The following SLFN12L variants were observed in gnomAD, a reference collection of about 807,000 sequenced individuals.
SLFN12L encodes the protein schlafen family member 12-like.
Under a neutral mutation model 34.8 loss-of-function variants are expected in SLFN12L, and 34 were observed. The observed-to-expected ratio is 0.98, with a 90% CI of 0.74 to 1.30. The LOEUF (loss-of-function observed/expected upper bound fraction) is 1.30. Among genes scored for constraint, SLFN12L ranks in the 50% most tolerant of loss-of-function variants. SLFN12L has a pLI of 0.00. For synonymous variants in SLFN12L, 259 were observed against 247.5 expected (o/e 1.05, Z -0.44); for missense variants, 703 against 696.2 (o/e 1.01, Z -0.11).
chr17:35,480,374 A>T (rs1323099692), intron 2 of SLFN12L, 179 bp from the exon 3 acceptor site: 1 of 474,752 alleles, frequency 2.1e-6, no homozygotes, highest in Non-Finnish European at 3.6e-6. Flanking sequence ...TTATACTCCT[A>T]CTGAATTTTC....
chr17:35,491,025 AC>A (rs1289295559), intron 2 of SLFN12L: 2 of 788,398 alleles, frequency 2.5e-6, no homozygotes, highest in Non-Finnish European at 4.7e-6. Flanking sequence ...TCCCCAGCCA[AC>A]CTCTTACAGC....
chr17:35,510,761 C>A (rs1915612279), intron 2 of SLFN12L, among the ~76,000 whole-genome samples: 1 of 150,008 alleles, frequency 6.7e-6, no homozygotes, highest in Non-Finnish European at 1.5e-5. Context: ...AAAAGGAAAA[C>A]AGTAACCAAA....
Position 35,472,812 on chromosome 17 carries a change from C to T in SLFN12L, c.*2111G>A, listed in dbSNP as rs141080966. On this transcript the variant is annotated 3_prime_UTR_variant, in exon 5 of 5. Transcript: ENST00000628453. ...GGAATGTTTTTCCATTTGTTTGTGT[C>T]TTCTCTTGTTTCCTTGAGCAGTGGT... 2.0e-5 allele frequency among the ~76,000 whole-genome samples: 3 copies of T among 152,114 alleles called. No homozygotes were observed. Among genetic ancestry groups the T allele is most frequent in the African/African-American group, 7.2e-5 (3 of 41,408 alleles).
rs11658693 is a variant in SLFN12L, at chr17:35,473,230, A to C, written c.*1693T>G. 6.6e-6 allele frequency among the ~76,000 whole-genome samples: 1 copy of C among 152,010 alleles called. No homozygotes were observed. Among genetic ancestry groups the C allele is most frequent in the Non-Finnish European group, 1.5e-5 (1 of 67,986 alleles). ...GAGAGGGCATTCTTGTCTTGTGCCA[A>C]TTTTCAAAGGGAATGCTTCCAGGTT... On this transcript the variant is annotated 3_prime_UTR_variant, in exon 5 of 5. Transcript: ENST00000628453.
chr17:35,507,118 T>C (rs1179258895), intron 2 of SLFN12L, among the ~76,000 whole-genome samples: 2 of 152,194 alleles, frequency 1.3e-5, no homozygotes, highest in Non-Finnish European at 2.9e-5. Flanking sequence ...ACCCGGCCAG[T>C]GGGCAGGTAG....
chr17:35,480,526 CTA>C (rs879422138), intron 2 of SLFN12L: 3 of 202,334 alleles, frequency 1.5e-5, no homozygotes, highest in East Asian at 1.2e-4. Context: ...TGGAGGGATT[CTA>C]TGTTTTTATT....
intron 1 of SLFN12L, among the ~76,000 whole-genome samples, chr17:35,530,517 GAAAAGAAAAGAAAAGAAAAGA>G (rs2072398259): frequency 1.6e-5 from 1 of 61,760 alleles, no homozygotes; most frequent in African/African-American, 8.4e-5. Flanking sequence ...AGAAAGAAAA[GAAAAGAAAAGAAAAGAAAAGA>G]AAAGAAAGAA....
At position 35,469,327 on chromosome 17, in the gene SLFN12L, A is replaced by AT. The variant is rs1005906804; in HGVS notation, c.*5595_*5596insA. 5.9e-5 allele frequency among the ~76,000 whole-genome samples: 6 copies of AT among 100,848 alleles called. No homozygotes were observed. The highest frequency in any genetic ancestry group is 1.9e-4 in the African/African-American group (5 of 25,924). 66.2% of individuals were successfully genotyped at this position (100,848 alleles called of 152,430 possible). On this transcript the variant is annotated 3_prime_UTR_variant, in exon 5 of 5. Transcript: ENST00000628453. The stretch of plus-strand genomic sequence containing the variant: ...AAAATATATATATATTATATATATA[A>AT]ATATATATATAATATATATATATAT...
intron 2 of SLFN12L, among the ~76,000 whole-genome samples, chr17:35,488,102 G>T (rs111276386): frequency 6.6e-6 from 1 of 152,176 alleles, no homozygotes; most frequent in South Asian, 2.1e-4. Context: ...CCAGCTACTC[G>T]GGAGGCTGAG....
rs954260689 is a variant in SLFN12L, at chr17:35,478,710, A to G, written c.1165+407T>C. 2.0e-5 allele frequency among the ~76,000 whole-genome samples: 3 copies of G among 152,346 alleles called. No individual in the cohort carries two copies. The East Asian group carries it at 5.8e-4, about 29-fold the overall frequency. On this transcript the variant is annotated intron_variant, in intron 3 of 4. Transcript: ENST00000628453. The stretch of plus-strand genomic sequence containing the variant: ...TGTGAGAGGAAGAGGGGAAGTCTTT[A>G]CAGGAAATAAATGGAAAGTGGGTAA...
At chr17:35,478,232 T>C (rs774414782) in intron 3 of SLFN12L, 47 bp from the exon 4 acceptor site, 3 of 1,273,708 alleles carry the variant, frequency 2.4e-6, no homozygotes, top group South Asian at 2.6e-5. Flanking sequence ...TAATTTGGCA[T>C]GGGAGAGACT....
At chr17:35,512,359 ATTTTTTTTTTTT>A (rs35126425) in intron 2 of SLFN12L, among the ~76,000 whole-genome samples, 3 of 53,868 alleles carry the variant, frequency 5.6e-5, no homozygotes, top group East Asian at 1.4e-3. Flanking sequence ...AAAAGAGCTG[ATTTTTTTTTTTT>A]TTTTTTTTTT....
chr17:35,536,857 A>C (rs1172798165), intron 1 of SLFN12L, among the ~76,000 whole-genome samples: 1 of 151,606 alleles, frequency 6.6e-6, no homozygotes, highest in Non-Finnish European at 1.5e-5. Context: ...ATAGTGATGA[A>C]GCAATCAGCT....
Position 35,490,069 on chromosome 17 carries a change from C to G in SLFN12L, c.87-9874G>C, listed in dbSNP as rs547168222. 7.0e-5 allele frequency: 112 copies of G among 1,606,522 alleles called. 1 individual carries two copies. The African/African-American group carries it at 1.3e-3, about 19-fold the overall frequency. ...GTTCCCTCTCCCTCCAAAGCGGCGCCGTAGCCACCGGCCCCCTCCTCCCCA... is the reference window on the plus strand; with the variant it reads ...GTTCCCTCTCCCTCCAAAGCGGCGCGGTAGCCACCGGCCCCCTCCTCCCCA... On this transcript the variant is annotated intron_variant, in intron 2 of 4. Coordinates refer to ENST00000628453, the MANE Select transcript of SLFN12L (RefSeq NM_001363830.2).
intron 1 of SLFN12L, among the ~76,000 whole-genome samples, chr17:35,523,622 T>C (rs1181868827): frequency 5.3e-5 from 8 of 152,192 alleles, no homozygotes; most frequent in East Asian, 1.9e-4. Context: ...CATGAGAATA[T>C]ACTTGTGCTA....
At chr17:35,493,490 T>C (rs1191440724) in intron 2 of SLFN12L, among the ~76,000 whole-genome samples, 1 of 152,248 alleles carries the variant, frequency 6.6e-6, no homozygotes, top group Non-Finnish European at 1.5e-5. Context: ...TTGTTCATAA[T>C]GTAATGCCGT....
At chr17:35,512,150 A>ATTTTTTTTT (rs34171279) in intron 2 of SLFN12L, among the ~76,000 whole-genome samples, 1 of 69,152 alleles carries the variant, frequency 1.4e-5, no homozygotes, top group Non-Finnish European at 2.7e-5. Flanking sequence ...AAAAGAGCTG[A>ATTTTTTTTT]TTTTTTTTTT....
In SLFN12L at chr17:35,530,417, GGAAGGAAGGAAGGGAAGGGAAGGGAA is replaced by G. The variant is rs2072384982; in HGVS notation, c.-606+7130_-606+7155del. On this transcript the variant is annotated intron_variant, in intron 1 of 4. Transcript: ENST00000628453. ...AGGAAGGAAGGAAGGAAGGAAGGAA[GGAAGGAAGGAAGGGAAGGGAAGGGAA>G]GAAAGAAAGAAAGAAAGAAAGAAAG... 1.1e-3 allele frequency among the ~76,000 whole-genome samples: 14 copies of G among 12,936 alleles called. 3 individuals carry two copies. Among genetic ancestry groups the G allele is most frequent in the African/African-American group, 2.8e-3 (13 of 4,702 alleles). The allele number at this position is 12,936 out of a possible 152,430, so 8.5% of individuals were successfully genotyped here.
At chr17:35,485,854 C>T (rs976435205) in intron 2 of SLFN12L, among the ~76,000 whole-genome samples, 4 of 152,034 alleles carry the variant, frequency 2.6e-5, no homozygotes, top group Non-Finnish European at 4.4e-5. Context: ...CATTGGTCTA[C>T]GTGTCTATTT....
Sources: allele counts gnomAD v4.1 joint callset (sites outside exome capture counted in the v4.1 genomes callset), GRCh38; gene constraint gnomAD v4.1.1; transcripts MANE v1.5; gene names NCBI Gene and HGNC (gene_info 2026-07-23, HGNC 2026-07-21).